The following CHKA variants were observed in gnomAD, a reference collection of about 807,000 sequenced individuals.
The protein encoded by CHKA is choline kinase alpha.
CHKA carries 34 observed loss-of-function variants against 60.1 expected under a neutral mutation model. The observed-to-expected ratio is 0.57, with a 90% CI of 0.43 to 0.75. CHKA has a LOEUF of 0.75. CHKA is among the 30% of genes least tolerant of loss of function. The pLI is 0.00. For synonymous variants in CHKA, 217 were observed against 223.1 expected (o/e 0.97, Z 0.24); for missense variants, 563 against 561.3 (o/e 1.00, Z -0.03).
chr11:68,088,416 C>A (rs959440432), intron 2 of CHKA, among the ~76,000 whole-genome samples: 3 of 152,096 alleles, frequency 2.0e-5, no homozygotes, highest in African/African-American at 7.2e-5. Flanking sequence ...CCCTGGTTAT[C>A]TCACCACACT....
Position 68,064,428 on chromosome 11 carries a change from A to C in CHKA, c.1232+97T>G, listed in dbSNP as rs113520647. On this transcript the variant is annotated intron_variant, in intron 10 of 11. Coordinates refer to ENST00000265689, the MANE Select transcript of CHKA (RefSeq NM_001277.3). Reference sequence around the variant, plus strand: ...GTCTCAAAAAAAAAAAAAGAAGAAGAAGCTCTAAAATACTCCTAATTGCAA... The same window carrying C: ...GTCTCAAAAAAAAAAAAAGAAGAAGCAGCTCTAAAATACTCCTAATTGCAA... 990 of 583,808 alleles carry C rather than the reference A, an allele frequency of 1.7e-3. 6 individuals are homozygous for C. Among genetic ancestry groups the C allele is most frequent in the African/African-American group, 8.7e-3 (441 of 50,434 alleles). 36.2% of individuals were successfully genotyped at this position (583,808 alleles called of 1,614,324 possible).
chr11:68,088,016 G>A (rs1026259191), intron 2 of CHKA, among the ~76,000 whole-genome samples: 2 of 149,820 alleles, frequency 1.3e-5, no homozygotes, highest in Admixed American at 6.7e-5. Context: ...AGGGGACTGA[G>A]GCATAAGAAT....
chr11:68,110,850 T>C (rs1394781070), intron 1 of CHKA, among the ~76,000 whole-genome samples: 1 of 151,270 alleles, frequency 6.6e-6, no homozygotes, highest in Admixed American at 6.6e-5. Context: ...AATACAAAAT[T>C]AGCTGGGCGT....
At chr11:68,084,503 T>C (rs1857116697) in intron 2 of CHKA, among the ~76,000 whole-genome samples, 2 of 149,328 alleles carry the variant, frequency 1.3e-5, no homozygotes, top group Admixed American at 1.3e-4. Flanking sequence ...ATAAATTCAT[T>C]TGAAGTAGAT....
chr11:68,102,184 A>G (rs556842293), intron 1 of CHKA, among the ~76,000 whole-genome samples: 1 of 152,300 alleles, frequency 6.6e-6, no homozygotes, highest in African/African-American at 2.4e-5. Flanking sequence ...TACCAATGAC[A>G]TTCTTCATAG....
At chr11:68,062,710 G>A (rs552667136) in intron 10 of CHKA, among the ~76,000 whole-genome samples, 3 of 152,182 alleles carry the variant, frequency 2.0e-5, no homozygotes, top group Non-Finnish European at 4.4e-5. Flanking sequence ...TGTTCATCCT[G>A]TGGTCCCCGG....
intron 7 of CHKA, among the ~76,000 whole-genome samples, chr11:68,066,927 C>T (rs569827512): frequency 6.6e-6 from 1 of 152,366 alleles, no homozygotes; most frequent in Non-Finnish European, 1.5e-5. Context: ...GGCTGCAGCA[C>T]TCCAGCTGGG....
chr11:68,086,090 G>A (rs1471041635), intron 2 of CHKA, among the ~76,000 whole-genome samples: 1 of 152,078 alleles, frequency 6.6e-6, no homozygotes, highest in African/African-American at 2.4e-5. Context: ...CGAGGCAGGC[G>A]GATCACGAGG....
chr11:68,086,209 G>A (rs1261065325), intron 2 of CHKA, among the ~76,000 whole-genome samples: 1 of 151,998 alleles, frequency 6.6e-6, no homozygotes, highest in African/African-American at 2.4e-5. Flanking sequence ...AGCTACTCGG[G>A]AAGCTGAGGC....
intron 2 of CHKA, among the ~76,000 whole-genome samples, chr11:68,096,243 G>A (rs993911440): frequency 3.3e-5 from 5 of 149,684 alleles, no homozygotes; most frequent in South Asian, 2.1e-4. Context: ...CATGCATAAC[G>A]TCAGCTACTT....
At chr11:68,079,740 C>T (rs191993504) in intron 3 of CHKA, among the ~76,000 whole-genome samples, 42 of 152,180 alleles carry the variant, frequency 2.8e-4, no homozygotes, top group African/African-American at 9.6e-4. Flanking sequence ...ATCGGCCGGG[C>T]GATTTCATGG....
chr11:68,070,251 G>A lies in CHKA; in HGVS notation c.807C>T (p.Ser269=), dbSNP rs1034538615. ...GCAATTTGTGGAGCTTTTTAATTCT[G>A]GATTCCTCAGTAAATTTAATTCTCA... ...EVLRIKFTEE[S]RIKKLHKLLS... is the part of the protein sequence containing the mutation. The change falls in exon 6 of 12, where the codon TCC becomes TCT. Residue 269 remains serine (S), a synonymous_variant. Coordinates refer to ENST00000265689, the MANE Select transcript of CHKA (RefSeq NM_001277.3). 6.2e-7 allele frequency: 1 copy of A among 1,613,968 alleles called. No homozygotes were observed. The highest frequency in any genetic ancestry group is 1.3e-5 in the African/African-American group (1 of 75,012).
chr11:68,084,162 G>A (rs796799225), intron 2 of CHKA, among the ~76,000 whole-genome samples: 2 of 150,218 alleles, frequency 1.3e-5, no homozygotes, highest in African/African-American at 2.4e-5. Context: ...CAGGAGAATC[G>A]CTTGAATCCG....
intron 2 of CHKA, among the ~76,000 whole-genome samples, chr11:68,087,925 C>T (rs1857232478): frequency 6.6e-6 from 1 of 151,902 alleles, no homozygotes; most frequent in South Asian, 2.1e-4. Context: ...CCAGCCTGAC[C>T]AACATGGTGA....
At chr11:68,095,276 A>T (rs1194945851) in intron 2 of CHKA, among the ~76,000 whole-genome samples, 1 of 151,114 alleles carries the variant, frequency 6.6e-6, no homozygotes, top group Admixed American at 6.6e-5. Context: ...GGTGGCGGAC[A>T]CCTGTAGTCC....
chr11:68,074,219 G>A (rs1222548140), intron 4 of CHKA, among the ~76,000 whole-genome samples: 11 of 152,218 alleles, frequency 7.2e-5, no homozygotes, highest in Non-Finnish European at 4.4e-5. Context: ...GCAAGGTCTT[G>A]GAGCAAGGCC....
chr11:68,060,165 C>CCT lies in CHKA; in HGVS notation c.1314+1787_1314+1788insAG, dbSNP rs1337033023. On this transcript the variant is annotated intron_variant, in intron 11 of 11. Coordinates refer to ENST00000265689, the MANE Select transcript of CHKA (RefSeq NM_001277.3). ...CCTCAGCCTCCCGAGTTAGCTGGGA[C>CCT]TACAGGCACCCACCAACAGGCCCAG... Among the ~76,000 whole-genome samples, 4 of 150,264 alleles carry CCT rather than the reference C, an allele frequency of 2.7e-5. No individual in the cohort carries two copies. The East Asian group carries it at 7.9e-4, about 30-fold the overall frequency.
At chr11:68,075,881 T>C in intron 3 of CHKA, among the ~76,000 whole-genome samples, 1 of 152,204 alleles carries the variant, frequency 6.6e-6, no homozygotes, top group East Asian at 1.9e-4. Context: ...AGCTTTCAGA[T>C]GATTCTAATT....
At chr11:68,056,042 C>G (rs917239747) in intron 11 of CHKA, among the ~76,000 whole-genome samples, 10 of 152,100 alleles carry the variant, frequency 6.6e-5, no homozygotes, top group African/African-American at 2.4e-4. Flanking sequence ...GAGCGAAACT[C>G]CATCTCAAAA....
Sources: allele counts gnomAD v4.1 joint callset (sites outside exome capture counted in the v4.1 genomes callset), GRCh38; gene constraint gnomAD v4.1.1; transcripts MANE v1.5; gene names NCBI Gene and HGNC (gene_info 2026-07-23, HGNC 2026-07-21).